CHTF18: variants seen among roughly 807,000 people sequenced by gnomAD.
CHTF18 encodes chromosome transmission fidelity protein 18 homolog.
CHTF18 carries 151 observed loss-of-function variants against 113.4 expected under a neutral mutation model. That is an observed-to-expected ratio of 1.33 (90% CI 1.17 to 1.52). The LOEUF is 1.52. Among genes scored for constraint, CHTF18 ranks in the 40% most tolerant of loss-of-function variants. The pLI, the probability that CHTF18 is intolerant of heterozygous loss-of-function variation, is 0.00. For synonymous variants in CHTF18, 916 were observed against 598.8 expected (o/e 1.53, Z -7.74); for missense variants, 1,982 against 1,381.6 (o/e 1.43, Z -6.89).
intron 20 of CHTF18, among the ~76,000 whole-genome samples, chr16:797,318 A>G (rs1263569318): frequency 7.1e-6 from 1 of 140,750 alleles, no homozygotes; most frequent in African/African-American, 2.6e-5. Context: ...CAAGGCACCC[A>G]TGGGGTGGGG....
At chr16:790,954 G>T in intron 7 of CHTF18, 1 of 1,435,378 alleles carries the variant, frequency 7.0e-7, no homozygotes, top group South Asian at 1.5e-5. Context: ...GGGAGGGCAG[G>T]GGCCTCCCAG....
rs747572060 is a variant in CHTF18 at position 795,953 on chromosome 16, A to G, written c.2332A>G (p.Thr778Ala). Residue 778 changes from threonine to alanine, a missense_variant, in exon 18 of 22, where the codon ACA becomes GCA. Physicochemically the swap from Thr to Ala is moderately conservative, Grantham distance 58 (BLOSUM62 0). Coordinates refer to ENST00000262315, the MANE Select transcript of CHTF18 (RefSeq NM_022092.3). ...ILAPKLRPVS[T>A]QLYSTREKQQ... ...GCTGCCTCCCATCCCCTAGGTGAGC[A>G]CACAGCTGTACAGCACCCGTGAAAA... The G allele has an allele frequency of 6.2e-6, 10 of 1,609,470 alleles. No homozygotes were observed. The highest frequency in any genetic ancestry group is 2.2e-5 in the South Asian group (2 of 90,376).
rs756286040 is a variant in CHTF18 at position 795,207 on chromosome 16, C to T, written c.2026C>T (p.Leu676=). ...LGAVCVALDW[L]AFDDLLAGAA... ...TGCTGTGTGTGTGGCCCTCGACTGG[C>T]TGGCCTTCGATGACCTGCTGGCGGG... Residue 676 remains leucine (L), a synonymous_variant, in exon 16 of 22, where the codon CTG becomes TTG. Coordinates refer to ENST00000262315, the MANE Select transcript of CHTF18 (RefSeq NM_022092.3). 1.3e-6 allele frequency: 2 copies of T among 1,555,882 alleles called. No homozygotes were observed. Among genetic ancestry groups the T allele is most frequent in the South Asian group, 1.2e-5 (1 of 84,646 alleles).
intron 7 of CHTF18, 83 bp from the exon 8 acceptor site, chr16:791,078 A>G: frequency 6.6e-7 from 1 of 1,525,144 alleles, no homozygotes; most frequent in South Asian, 1.2e-5. Context: ...CCCATGGGGC[A>G]TGGGGCTCAT....
Position 791,350 on chromosome 16 carries a change from AGCCAGCGACCGAAGC to A in CHTF18, c.1085_1099del (p.Ser362_Gln367delinsLys), listed in dbSNP as rs777275083. The A allele has an allele frequency of 6.2e-7, 1 of 1,605,508 alleles. No individual in the cohort carries two copies. Among genetic ancestry groups the A allele is most frequent in the East Asian group, 2.2e-5 (1 of 44,734 alleles). On this transcript the variant is annotated inframe_deletion, in exon 8 of 22. Transcript: ENST00000262315. ...GATGCTGGAGGCTGGGCTGGACCCGAGCCAGCGACCGAAGCAGAAGGTGAGCCCCGCTGGCTGTGC... is the reference window on the plus strand; with the variant it reads ...GATGCTGGAGGCTGGGCTGGACCCGAAGAAGGTGAGCCCCGCTGGCTGTGC...
At position 793,217 on chromosome 16, in the gene CHTF18, A is replaced by G; in HGVS notation, c.1745A>G (p.Gln582Arg). 3.7e-6 allele frequency: 6 copies of G among 1,609,034 alleles called. No individual in the cohort carries two copies. The highest frequency in any genetic ancestry group is 5.1e-6 in the Non-Finnish European group (6 of 1,178,894). Reference protein sequence around the residue: ...VQATRVGLKDQRRGLFSVWQE... With the variant: ...VQATRVGLKDRRRGLFSVWQE... ...GCCACACGCGTGGGCCTCAAGGACCAGCGCAGAGGGCTCTTCTCGGTGTGG... is the reference window on the plus strand; with the variant it reads ...GCCACACGCGTGGGCCTCAAGGACCGGCGCAGAGGGCTCTTCTCGGTGTGG... Residue 582 changes from glutamine (Q) to arginine (R), a missense_variant, in exon 14 of 22, where the codon CAG becomes CGG. By Grantham distance (43) the Gln-to-Arg change is conservative. Coordinates refer to ENST00000262315, the MANE Select transcript of CHTF18 (RefSeq NM_022092.3).
Position 795,780 on chromosome 16 carries a change from GCTC to G in CHTF18, c.2275_2277del (p.Leu759del). 9 of 1,609,772 alleles carry G rather than the reference GCTC, an allele frequency of 5.6e-6. No homozygotes were observed. The highest frequency in any genetic ancestry group is 7.6e-6 in the Non-Finnish European group (9 of 1,178,992). On this transcript the variant is annotated inframe_deletion, in exon 17 of 22. Transcript: ENST00000262315. ...GCAGCCGGGCCACGCCCCAGGCCCT[GCTC>G]CTCGATGCCCTCTGCCTGCTCCTGG...
chr16:790,852 C>T (rs996747400), intron 7 of CHTF18, 186 bp downstream of exon 7: 236 of 1,431,246 alleles, frequency 1.6e-4, no homozygotes, highest in Non-Finnish European at 2.1e-4. Context: ...CCCCTGTGAC[C>T]TGTGAGGCAG....
Position 791,477 on chromosome 16 carries a change from G to A in CHTF18, c.1104+107G>A, listed in dbSNP as rs181101102. 1.5e-4 allele frequency: 217 copies of A among 1,456,602 alleles called. No individual in the cohort carries two copies. In the African/African-American group the frequency reaches 2.6e-3, roughly 17 times the overall value. The allele number at this position is 1,456,602 out of a possible 1,614,324, so 90.2% of individuals were successfully genotyped here. On this transcript the variant is annotated intron_variant, in intron 8 of 21. Coordinates refer to ENST00000262315, the MANE Select transcript of CHTF18 (RefSeq NM_022092.3). ...CTCCAGGAGCCGTGGGTGTGGTGAC[G>A]TGTGGGTCTTGGCGTGAAGCGCCAT...
intron 20 of CHTF18, 125 bp from the exon 21 acceptor site, chr16:797,569 T>C: frequency 1.0e-6 from 1 of 996,928 alleles, no homozygotes; most frequent in Non-Finnish European, 1.5e-6. Context: ...TGGGCCAGGT[T>C]CCGAAAGGTG....
Position 797,866 on chromosome 16 carries a change from TGGAGC to T in CHTF18, c.2822_2826del (p.Glu941AlafsTer37). 1.2e-6 allele frequency: 2 copies of T among 1,608,498 alleles called. No individual in the cohort carries two copies. The highest frequency in any genetic ancestry group is 1.7e-6 in the Non-Finnish European group (2 of 1,178,090). On this transcript the variant is annotated frameshift_variant, in exon 22 of 22. Transcript: ENST00000262315. LOFTEE classifies it high-confidence loss of function. ...GACACGGCCCCGGAGCAGGACTCAG[TGGAGC>T]GGCGCATGGGCACAGCGGTGGGCAG...
In CHTF18 at chr16:792,336, G is replaced by C. The variant is rs190330341; in HGVS notation, c.1315G>C (p.Gly439Arg). 8.6e-5 allele frequency: 134 copies of C among 1,553,784 alleles called. No homozygotes were observed. In the African/African-American group the frequency reaches 1.7e-3, roughly 19 times the overall value. ...CTGCCTGGTCATCGATGAGATCGAC[G>C]GGGCCCCCGTGGTGGGCTCCTTGAT... ...PNCLVIDEID[G>R]APVAAINVLL... The change falls in exon 10 of 22, where the codon GGG (glycine) becomes CGG (arginine). Residue 439 changes from glycine (G) to arginine (R), a missense_variant. By Grantham distance (125) the Gly-to-Arg change is moderately radical. Coordinates refer to ENST00000262315, the MANE Select transcript of CHTF18 (RefSeq NM_022092.3).
In CHTF18 at chr16:794,178, G is replaced by A. The variant is rs751164256; in HGVS notation, c.1927G>A (p.Gly643Ser). 2.5e-6 allele frequency: 4 copies of A among 1,612,154 alleles called. 1 individual carries two copies. The Admixed American group carries it at 6.7e-5, about 27-fold the overall frequency. Residue 643 changes from glycine to serine, a missense_variant, in exon 15 of 22, where the codon GGC becomes AGC. Physicochemically the swap from Gly to Ser is moderately conservative, Grantham distance 56. Transcript: ENST00000262315. Reference protein sequence around the residue: ...YRVLHAAASAGEHEKVVQGLF... With the variant: ...YRVLHAAASASEHEKVVQGLF... ...TGTCCTGCATGCCGCTGCCTCTGCG[G>A]GCGAGCACGAGAAGGTGGTCCAGGT...
chr16:795,839 G>A lies in CHTF18; in HGVS notation c.2325+5G>A, dbSNP rs2042328718. ...CTTGCACCCAAGCTCCGCCCCGTGA[G>A]TGCCGTCCCCGGGGTGGGGGATTCC... On this transcript the variant is annotated splice_donor_5th_base_variant and intron_variant, in intron 17 of 21. Coordinates refer to ENST00000262315, the MANE Select transcript of CHTF18 (RefSeq NM_022092.3). The A allele has an allele frequency of 5.0e-6, 8 of 1,608,736 alleles. No individual in the cohort carries two copies. The highest frequency in any genetic ancestry group is 6.8e-6 in the Non-Finnish European group (8 of 1,178,168).
chr16:795,269 C>A lies in CHTF18; in HGVS notation c.2088C>A (p.Arg696=), dbSNP rs1027517956. The A allele has an allele frequency of 5.8e-6, 9 of 1,549,096 alleles. No homozygotes were observed. The highest frequency in any genetic ancestry group is 7.8e-6 in the Non-Finnish European group (9 of 1,146,804). Residue 696 remains arginine (R), a synonymous_variant, in exon 16 of 22, where the codon CGC becomes CGA. Coordinates refer to ENST00000262315, the MANE Select transcript of CHTF18 (RefSeq NM_022092.3). The part of the protein sequence containing the change: ...AHHSQSFQLL[R]YPPFLPVAFH... ...ACAGCCAGAGCTTCCAGCTGCTGCGCTACCCACCCTTCCTGCCCGTGGCCT... is the reference window on the plus strand; with the variant it reads ...ACAGCCAGAGCTTCCAGCTGCTGCGATACCCACCCTTCCTGCCCGTGGCCT...
At chr16:792,376 G>T (rs569540027) in intron 10 of CHTF18, 29 bp downstream of exon 10, 16 of 1,561,038 alleles carry the variant, frequency 1.0e-5, no homozygotes, top group Admixed American at 3.8e-5. Flanking sequence ...GGGTAGGTGG[G>T]TGGGCGGGCA....
intron 4 of CHTF18, 67 bp downstream of exon 4, chr16:789,782 C>A: frequency 6.8e-7 from 1 of 1,468,594 alleles, no homozygotes; most frequent in Non-Finnish European, 9.0e-7. Flanking sequence ...TCCTTGGAGC[C>A]CCTCACCCCT....
Position 792,215 on chromosome 16 carries a change from C to A in CHTF18, c.1203-9C>A. ...ACTGCCCTGACGACCCCTGACCTCCCCATTGCAGTGACGACCGTAGCCCGG... is the reference window on the plus strand; with the variant it reads ...ACTGCCCTGACGACCCCTGACCTCCACATTGCAGTGACGACCGTAGCCCGG... On this transcript the variant is annotated splice_polypyrimidine_tract_variant and intron_variant, in intron 9 of 21. Coordinates refer to ENST00000262315, the MANE Select transcript of CHTF18 (RefSeq NM_022092.3). 6.4e-7 allele frequency: 1 copy of A among 1,571,052 alleles called. No individual in the cohort carries two copies. Among genetic ancestry groups the A allele is most frequent in the East Asian group, 2.4e-5 (1 of 41,836 alleles).
chr16:796,329 G>A (rs367869370), intron 18 of CHTF18, among the ~76,000 whole-genome samples: 2 of 152,244 alleles, frequency 1.3e-5, no homozygotes, highest in African/African-American at 4.8e-5. Flanking sequence ...AACTGGAGCC[G>A]GGGGCCCCGA....
Sources: gnomAD v4.1 joint callset for allele counts (sites outside exome capture counted in the v4.1 genomes callset) on GRCh38, gnomAD v4.1.1 for gene constraint, MANE v1.5 for transcripts, NCBI Gene and HGNC (gene_info 2026-07-23, HGNC 2026-07-21) for gene names.